The following ANO4 variants were observed in gnomAD, a reference collection of about 807,000 sequenced individuals.
ANO4 encodes anoctamin-4.
A neutral mutation model predicts 141.9 loss-of-function variants in ANO4; 69 were observed. The observed-to-expected ratio is 0.49, with a 90% CI of 0.40 to 0.59. ANO4 has a LOEUF of 0.59. ANO4 is among the 20% of genes least tolerant of loss of function. ANO4 has a pLI of 0.00. For synonymous variants in ANO4, 350 were observed against 394.3 expected (o/e 0.89, Z 1.33); for missense variants, 894 against 1,162.2 (o/e 0.77, Z 3.36).
At chr12:100,955,638 A>G (rs1232711266) in intron 5 of ANO4, among the ~76,000 whole-genome samples, 2 of 152,216 alleles carry the variant, frequency 1.3e-5, no homozygotes, top group Non-Finnish European at 2.9e-5. Context: ...AGCTGCCACA[A>G]TATGCTCAGC....
At chr12:100,910,670 A>G (rs2041061382) in intron 2 of ANO4, among the ~76,000 whole-genome samples, 1 of 152,186 alleles carries the variant, frequency 6.6e-6, no homozygotes, top group South Asian at 2.1e-4. Context: ...AGATCAAATT[A>G]TCCCAGCTAA....
chr12:100,826,315 T>C (rs1475580827), intron 1 of ANO4, among the ~76,000 whole-genome samples: 1 of 152,016 alleles, frequency 6.6e-6, no homozygotes, highest in African/African-American at 2.4e-5. Context: ...AAAATGGTCA[T>C]TGCTCACAGA....
At chr12:101,072,990 T>C (rs1566207858) in intron 14 of ANO4, among the ~76,000 whole-genome samples, 2 of 152,126 alleles carry the variant, frequency 1.3e-5, no homozygotes, top group Admixed American at 6.5e-5. Flanking sequence ...TTCATGGGAG[T>C]GTAAACCATT....
chr12:100,811,082 A>T lies in ANO4; in HGVS notation c.-141+16055A>T, dbSNP rs535230427. Among the ~76,000 whole-genome samples, 3 of 152,284 alleles carry T rather than the reference A, an allele frequency of 2.0e-5. No individual in the cohort carries two copies. In the South Asian group the frequency reaches 6.2e-4, roughly 32 times the overall value. ...GCCTGAGAATTTTCAGGAAATAGTA[A>T]TCAAAGCCCTGATAATACAAGAAAT... is the stretch of plus-strand genomic sequence containing the variant. On this transcript the variant is annotated intron_variant, in intron 1 of 27. Transcript: ENST00000392977.
intron 8 of ANO4, among the ~76,000 whole-genome samples, chr12:101,019,750 G>C (rs2046449069): frequency 1.3e-5 from 2 of 152,148 alleles, no homozygotes; most frequent in African/African-American, 4.8e-5. Flanking sequence ...GAAAAAACAA[G>C]ATACAAGACC....
chr12:100,843,930 G>T (rs971964169), intron 1 of ANO4, among the ~76,000 whole-genome samples: 6 of 152,118 alleles, frequency 3.9e-5, no homozygotes, highest in Non-Finnish European at 8.8e-5. Flanking sequence ...TAAACTTCCT[G>T]TTTACTTCCT....
intron 1 of ANO4, among the ~76,000 whole-genome samples, chr12:100,873,649 G>C (rs2039143967): frequency 6.6e-6 from 1 of 152,170 alleles, no homozygotes; most frequent in Non-Finnish European, 1.5e-5. Context: ...GCCAAGAAAT[G>C]ACCTGGTACT....
chr12:100,780,337 G>A (rs1386148521), intron 3 of ANO4, among the ~76,000 whole-genome samples: 1 of 152,220 alleles, frequency 6.6e-6, no homozygotes, highest in African/African-American at 2.4e-5. Context: ...ACGGGGTGCA[G>A]CAAAATGGCT....
At chr12:101,005,537 C>A (rs1473065361) in intron 8 of ANO4, among the ~76,000 whole-genome samples, 1 of 152,100 alleles carries the variant, frequency 6.6e-6, no homozygotes, top group Non-Finnish European at 1.5e-5. Flanking sequence ...AAACACAGGG[C>A]CTGGGTGCCC....
chr12:100,867,053 T>A (rs2038787136), intron 1 of ANO4, among the ~76,000 whole-genome samples: 1 of 152,126 alleles, frequency 6.6e-6, no homozygotes, highest in Admixed American at 6.6e-5. Flanking sequence ...CCCGATTTTC[T>A]TTACTGATGG....
intron 1 of ANO4, among the ~76,000 whole-genome samples, chr12:100,802,787 G>GA (rs919715291): frequency 4.6e-5 from 7 of 151,782 alleles, no homozygotes; most frequent in Admixed American, 2.0e-4. Flanking sequence ...GCTATGGAGG[G>GA]AAAAAAAATG....
chr12:100,791,835 A>C (rs115179930), upstream of ANO4, among the ~76,000 whole-genome samples: 3,091 of 152,260 alleles, frequency 0.02, 106 homozygotes, highest in African/African-American at 0.07. Flanking sequence ...TGGGTGCTGC[A>C]AAGGCCTGGA....
intron 14 of ANO4, among the ~76,000 whole-genome samples, chr12:101,065,915 A>C (rs963891914): frequency 6.6e-6 from 1 of 152,246 alleles, no homozygotes; most frequent in Non-Finnish European, 1.5e-5. Flanking sequence ...CATTCATTAT[A>C]ACCAGGTGGG....
chr12:100,980,881 T>A (rs371887515), intron 7 of ANO4, among the ~76,000 whole-genome samples: 1 of 152,106 alleles, frequency 6.6e-6, no homozygotes, highest in Non-Finnish European at 1.5e-5. Context: ...ATTTATCATC[T>A]TTTGGCTGCC....
chr12:100,937,962 C>T (rs1163857572), intron 3 of ANO4, among the ~76,000 whole-genome samples: 1 of 152,186 alleles, frequency 6.6e-6, no homozygotes, highest in African/African-American at 2.4e-5. Flanking sequence ...TTTTAAGATC[C>T]TTTGTTTCAC....
chr12:100,814,906 G>A (rs1023306537), intron 1 of ANO4, among the ~76,000 whole-genome samples: 6 of 152,102 alleles, frequency 3.9e-5, no homozygotes, highest in African/African-American at 9.7e-5. Flanking sequence ...GAGAGCTGCC[G>A]CTAAGAACAA....
At chr12:101,104,509 A>G (rs2050330518) in intron 22 of ANO4, among the ~76,000 whole-genome samples, 1 of 150,364 alleles carries the variant, frequency 6.7e-6, no homozygotes, top group African/African-American at 2.4e-5. Flanking sequence ...GTTTTGATAT[A>G]TTGCTCTGTC....
At chr12:100,847,255 A>G (rs2037614889) in intron 1 of ANO4, among the ~76,000 whole-genome samples, 2 of 152,194 alleles carry the variant, frequency 1.3e-5, no homozygotes, top group Non-Finnish European at 2.9e-5. Flanking sequence ...CATTTAATAA[A>G]CATACACTTG....
rs1358634322 is a variant in ANO4 at position 100,861,778 on chromosome 12, G to A, written c.-140-39868G>A. 7.2e-5 allele frequency among the ~76,000 whole-genome samples: 11 copies of A among 152,248 alleles called. No individual in the cohort carries two copies. In the South Asian group the frequency reaches 1.2e-3, roughly 17 times the overall value. On this transcript the variant is annotated intron_variant, in intron 1 of 27. Coordinates refer to ENST00000392977, the MANE Select transcript of ANO4 (RefSeq NM_001286615.2). ...ATTTCACTTAAACACACATTGCACA[G>A]GTGTACAAAAGTATTTCCTTTCATT...
Sources: allele counts gnomAD v4.1 joint callset (sites outside exome capture counted in the v4.1 genomes callset), GRCh38; gene constraint gnomAD v4.1.1; transcripts MANE v1.5; gene names NCBI Gene and HGNC (gene_info 2026-07-23, HGNC 2026-07-21).